The following CTNND2 variants were observed in gnomAD, a reference collection of about 807,000 sequenced individuals.
CTNND2 encodes catenin delta 2.
CTNND2 carries 22 observed loss-of-function variants against 144.4 expected under a neutral mutation model. The ratio of observed to expected loss-of-function variants is 0.15; its 90% CI spans 0.11 to 0.22. The LOEUF is 0.22. Ranked by LOEUF, CTNND2 falls within the 10% of genes least tolerant of loss-of-function variation. The pLI is 1.00. For synonymous variants in CTNND2, 751 were observed against 695.6 expected (o/e 1.08, Z -1.25); for missense variants, 1,353 against 1,618.8 (o/e 0.84, Z 2.82).
chr5:11,045,072 C>T (rs1041826137), intron 16 of CTNND2, among the ~76,000 whole-genome samples: 3 of 152,220 alleles, frequency 2.0e-5, no homozygotes, highest in South Asian at 2.1e-4. Flanking sequence ...TATCAGCAGA[C>T]AGGGCCATGC....
intron 16 of CTNND2, among the ~76,000 whole-genome samples, chr5:11,048,102 T>C (rs565615181): frequency 1.3e-5 from 2 of 152,218 alleles, no homozygotes; most frequent in South Asian, 2.1e-4. Context: ...AGTACCCTCC[T>C]TGAGGCAAGG....
chr5:11,644,606 G>A (rs1023163317), intron 2 of CTNND2, among the ~76,000 whole-genome samples: 3 of 151,490 alleles, frequency 2.0e-5, no homozygotes, highest in Non-Finnish European at 2.9e-5. Context: ...CCTGGGAGCC[G>A]GAGCTTGCAG....
chr5:11,458,301 C>A (rs982800622), intron 3 of CTNND2, among the ~76,000 whole-genome samples: 5 of 152,134 alleles, frequency 3.3e-5, no homozygotes, highest in African/African-American at 9.7e-5. Context: ...ACAGTTGTTT[C>A]ATAAACAGCT....
intron 9 of CTNND2, among the ~76,000 whole-genome samples, chr5:11,303,978 C>T (rs1284927131): frequency 2.0e-5 from 3 of 151,940 alleles, no homozygotes; most frequent in African/African-American, 7.3e-5. Context: ...AAGGAAAAAC[C>T]CCTTTCGCTT....
At chr5:11,738,557 C>T (rs566514491) in intron 1 of CTNND2, among the ~76,000 whole-genome samples, 1 of 152,296 alleles carries the variant, frequency 6.6e-6, no homozygotes, top group South Asian at 2.1e-4. Context: ...TATTCAATGT[C>T]ATATTTTATT....
chr5:11,734,355 G>T (rs965491841), intron 1 of CTNND2, among the ~76,000 whole-genome samples: 1 of 152,172 alleles, frequency 6.6e-6, no homozygotes, highest in African/African-American at 2.4e-5. Context: ...ATCCCCACAT[G>T]TAGTGAGAGG....
At chr5:11,386,028 GC>G (rs1185610951) in intron 6 of CTNND2, 2 of 152,158 alleles carry the variant, frequency 1.3e-5, no homozygotes, top group Non-Finnish European at 2.9e-5. Flanking sequence ...AAAGCCATTC[GC>G]CTCTCATTTA....
At chr5:11,475,281 G>A (rs26144) in intron 3 of CTNND2, among the ~76,000 whole-genome samples, 90,766 of 152,046 alleles carry the variant, frequency 0.6, 28,381 homozygotes, top group African/African-American at 0.77. Context: ...AAGTAGCCAG[G>A]TTGCTAGGAA....
chr5:11,459,579 T>C (rs1766023394), intron 3 of CTNND2, among the ~76,000 whole-genome samples: 1 of 152,230 alleles, frequency 6.6e-6, no homozygotes, highest in Non-Finnish European at 1.5e-5. Context: ...GTACGTCTGT[T>C]CTAAGAATAT....
At chr5:11,106,859 C>A (rs59156583) in intron 14 of CTNND2, among the ~76,000 whole-genome samples, 8,392 of 152,174 alleles carry the variant, frequency 0.055, 752 homozygotes, top group African/African-American at 0.19. Flanking sequence ...GTGATGTGTG[C>A]AACTTCTGGG....
intron 20 of CTNND2, chr5:10,986,699 G>C (rs945922947): frequency 4.4e-6 from 2 of 456,130 alleles, no homozygotes; most frequent in African/African-American, 4.0e-5. Context: ...GCAGCGCTGA[G>C]GTGTTCCCTT....
At chr5:11,577,616 T>C (rs1254174150) in intron 2 of CTNND2, among the ~76,000 whole-genome samples, 1 of 152,122 alleles carries the variant, frequency 6.6e-6, no homozygotes, top group Non-Finnish European at 1.5e-5. Context: ...ATGTGTGTGG[T>C]TGTGTTTCAG....
chr5:11,337,956 G>A (rs1309578315), intron 9 of CTNND2, among the ~76,000 whole-genome samples: 2 of 152,196 alleles, frequency 1.3e-5, no homozygotes, highest in Admixed American at 1.3e-4. Context: ...TGGAACAGGG[G>A]ATATAGTGGA....
intron 9 of CTNND2, among the ~76,000 whole-genome samples, chr5:11,333,312 G>A (rs1396187897): frequency 6.6e-6 from 1 of 151,966 alleles, no homozygotes; most frequent in Non-Finnish European, 1.5e-5. Flanking sequence ...TGCCCAGGCT[G>A]GAGTGCAGTG....
At chr5:11,316,743 T>C (rs1272478574) in intron 9 of CTNND2, among the ~76,000 whole-genome samples, 1 of 151,638 alleles carries the variant, frequency 6.6e-6, no homozygotes, top group Non-Finnish European at 1.5e-5. Flanking sequence ...CATGCAGTGT[T>C]TGGTTTTTTG....
intron 2 of CTNND2, among the ~76,000 whole-genome samples, chr5:11,612,125 T>C (rs1282339400): frequency 6.6e-6 from 1 of 152,182 alleles, no homozygotes; most frequent in Non-Finnish European, 1.5e-5. Context: ...TAACAATGTA[T>C]ATATATGATC....
At chr5:11,785,135 C>T (rs1031657565) in intron 1 of CTNND2, among the ~76,000 whole-genome samples, 10 of 152,162 alleles carry the variant, frequency 6.6e-5, no homozygotes, top group African/African-American at 1.2e-4. Context: ...TATACACAGG[C>T]TTTTTCCTCA....
intron 3 of CTNND2, among the ~76,000 whole-genome samples, chr5:11,482,124 T>A (rs1288390077): frequency 6.6e-6 from 1 of 152,128 alleles, no homozygotes; most frequent in Non-Finnish European, 1.5e-5. Flanking sequence ...ATGAACTTGA[T>A]TATGCCGTGG....
chr5:11,581,147 A>AT (rs200548752), intron 2 of CTNND2, among the ~76,000 whole-genome samples: 1,549 of 151,082 alleles, frequency 0.01, 10 homozygotes, highest in Non-Finnish European at 0.015. Context: ...TCAACTATAA[A>AT]TTTTTTTTTT....
Sources: gnomAD v4.1 joint callset for allele counts (sites outside exome capture counted in the v4.1 genomes callset) on GRCh38, gnomAD v4.1.1 for gene constraint, MANE v1.5 for transcripts, NCBI Gene and HGNC (gene_info 2026-07-23, HGNC 2026-07-21) for gene names.